The following GRID2 variants were observed in gnomAD, a reference collection of about 807,000 sequenced individuals.
GRID2 encodes the protein glutamate receptor ionotropic, delta-2.
Under a neutral mutation model 114.8 loss-of-function variants are expected in GRID2, and 33 were observed. The observed-to-expected ratio is 0.29, with a 90% CI of 0.22 to 0.38. The LOEUF is 0.38. GRID2 is among the 10% of genes least tolerant of loss of function. The pLI, the probability that GRID2 is intolerant of heterozygous loss-of-function variation, is 1.00. For missense variants in GRID2, 1,184 were observed against 1,257.7 expected, an observed-to-expected ratio of 0.94 and a Z score of 0.89; for synonymous variants, 505 against 449.9, an observed-to-expected ratio of 1.12 and a Z score of -1.55.
chr4:93,437,932 A>G (rs1421299250), intron 10 of GRID2, among the ~76,000 whole-genome samples: 2 of 152,124 alleles, frequency 1.3e-5, no homozygotes, highest in African/African-American at 4.8e-5. Flanking sequence ...ATCTACATCT[A>G]TATCTATAAA....
intron 13 of GRID2, among the ~76,000 whole-genome samples, chr4:93,579,422 G>A (rs1212601430): frequency 5.3e-5 from 8 of 151,742 alleles, no homozygotes; most frequent in African/African-American, 9.7e-5. Context: ...GGTGATCTGC[G>A]GTCATTTCCA....
chr4:92,554,658 G>A (rs1227465807), intron 1 of GRID2, among the ~76,000 whole-genome samples: 1 of 151,958 alleles, frequency 6.6e-6, no homozygotes, highest in Non-Finnish European at 1.5e-5. Flanking sequence ...TTCACCTTAT[G>A]GGAAATATTT....
chr4:92,663,630 T>A (rs1461616355), intron 2 of GRID2, among the ~76,000 whole-genome samples: 1 of 151,198 alleles, frequency 6.6e-6, no homozygotes, highest in Non-Finnish European at 1.5e-5. Flanking sequence ...CCAATTCTTA[T>A]TTTGGTAAGT....
intron 8 of GRID2, among the ~76,000 whole-genome samples, chr4:93,342,286 AT>A (rs1759744663): frequency 6.6e-6 from 1 of 151,908 alleles, no homozygotes; most frequent in African/African-American, 2.4e-5. Flanking sequence ...CACCATGGTC[AT>A]TTTTTTCTTC....
At chr4:92,305,461 A>G (rs1287686954) in intron 1 of GRID2, among the ~76,000 whole-genome samples, 6 of 152,082 alleles carry the variant, frequency 3.9e-5, no homozygotes, top group African/African-American at 1.4e-4. Flanking sequence ...GGCGCTTGGG[A>G]AACGCGGGGA....
chr4:92,802,134 T>C (rs1740202375), intron 2 of GRID2, among the ~76,000 whole-genome samples: 1 of 151,932 alleles, frequency 6.6e-6, no homozygotes, highest in Non-Finnish European at 1.5e-5. Context: ...ACATATACAA[T>C]ATTTTTTAGA....
At chr4:93,305,946 C>G (rs1414760273) in intron 8 of GRID2, among the ~76,000 whole-genome samples, 2 of 152,172 alleles carry the variant, frequency 1.3e-5, no homozygotes, top group African/African-American at 4.8e-5. Flanking sequence ...TCACGCTTCC[C>G]CATCTGAAAT....
At chr4:93,321,376 T>C (rs1350387131) in intron 8 of GRID2, among the ~76,000 whole-genome samples, 7 of 152,102 alleles carry the variant, frequency 4.6e-5, no homozygotes, top group Admixed American at 2.0e-4. Context: ...AGGATCCTAT[T>C]TTCAAAATAT....
chr4:92,767,441 T>C (rs1235969010), intron 2 of GRID2, among the ~76,000 whole-genome samples: 2 of 152,116 alleles, frequency 1.3e-5, no homozygotes, highest in African/African-American at 4.8e-5. Flanking sequence ...ACTTTGATAA[T>C]CCATAAACAT....
chr4:92,491,913 A>G (rs959642174), intron 1 of GRID2, among the ~76,000 whole-genome samples: 1 of 152,124 alleles, frequency 6.6e-6, no homozygotes, highest in African/African-American at 2.4e-5. Context: ...CACTTCAGTA[A>G]TGCCTTTTCC....
intron 2 of GRID2, among the ~76,000 whole-genome samples, chr4:92,667,242 T>G (rs1012170233): frequency 2.6e-5 from 4 of 151,662 alleles, no homozygotes; most frequent in African/African-American, 9.7e-5. Flanking sequence ...AACTTATTAT[T>G]GGTGCTTCCT....
At position 92,918,217 on chromosome 4, in the gene GRID2, G is replaced by T. The variant is rs532872040; in HGVS notation, c.245-166778G>T. Among the ~76,000 whole-genome samples, 33 of 152,308 alleles carry T rather than the reference G, an allele frequency of 2.2e-4. 2 individuals carry two copies. The South Asian group carries it at 6.4e-3, about 30-fold the overall frequency. ...CATTGATTTTGTATCCTGAGACTTT[G>T]ATGAGGTTGCCTATCAGCTTAAGGA... is the stretch of plus-strand genomic sequence containing the variant. On this transcript the variant is annotated intron_variant, in intron 2 of 15. Coordinates refer to ENST00000282020, the MANE Select transcript of GRID2 (RefSeq NM_001510.4).
chr4:93,700,171 T>C (rs777199741), intron 14 of GRID2, among the ~76,000 whole-genome samples: 1 of 152,148 alleles, frequency 6.6e-6, no homozygotes, highest in Non-Finnish European at 1.5e-5. Flanking sequence ...TCAAATCTCC[T>C]GCTAAGTGGA....
intron 2 of GRID2, among the ~76,000 whole-genome samples, chr4:92,672,148 G>A (rs1438265317): frequency 2.0e-5 from 3 of 152,156 alleles, no homozygotes; most frequent in Non-Finnish European, 2.9e-5. Context: ...AGAGAGAATC[G>A]TATAGTATAT....
At chr4:93,381,685 C>G (rs2149309066) in intron 8 of GRID2, among the ~76,000 whole-genome samples, 1 of 152,214 alleles carries the variant, frequency 6.6e-6, no homozygotes, top group South Asian at 2.1e-4. Context: ...TCCATACCCA[C>G]TTCTTTTGGT....
chr4:93,034,336 T>C (rs149418757), intron 2 of GRID2, among the ~76,000 whole-genome samples: 87 of 152,282 alleles, frequency 5.7e-4, no homozygotes, highest in African/African-American at 1.9e-3. Context: ...GAGTTGTTTG[T>C]ACATAAACCT....
At chr4:92,921,967 G>A (rs1042247128) in intron 2 of GRID2, among the ~76,000 whole-genome samples, 43 of 152,164 alleles carry the variant, frequency 2.8e-4, no homozygotes, top group South Asian at 2.1e-4. Context: ...GAGGCAGGCC[G>A]GCCTCCTTGA....
intron 4 of GRID2, among the ~76,000 whole-genome samples, chr4:93,152,707 T>G (rs1423762154): frequency 6.6e-6 from 1 of 152,152 alleles, no homozygotes; most frequent in African/African-American, 2.4e-5. Context: ...CTAATTCTGA[T>G]AGATGAACTG....
rs543653178 is a variant in GRID2, at chr4:93,214,409, G to A, written c.790-2329G>A. On this transcript the variant is annotated intron_variant, in intron 5 of 15. Coordinates refer to ENST00000282020, the MANE Select transcript of GRID2 (RefSeq NM_001510.4). ...ATATAACTTTGCATCTGCCACTCTC[G>A]AAATGCCCCTTTTGAAATGCGCAAG... is the stretch of plus-strand genomic sequence containing the variant. Among the ~76,000 whole-genome samples the A allele has an allele frequency of 3.1e-4, 47 of 151,976 alleles. No individual in the cohort carries two copies. The South Asian group carries it at 8.3e-3, about 27-fold the overall frequency.
Sources: allele counts gnomAD v4.1 joint callset (sites outside exome capture counted in the v4.1 genomes callset), GRCh38; gene constraint gnomAD v4.1.1; transcripts MANE v1.5; gene names NCBI Gene and HGNC (gene_info 2026-07-23, HGNC 2026-07-21).